Variants in ZNF703 observed in about 807,000 individuals in gnomAD.
The protein encoded by ZNF703 is NocA-like zinc finger 1.
ZNF703 carries 18 observed loss-of-function variants against 30.7 expected under a neutral mutation model. The observed-to-expected ratio is 0.59, with a 90% CI of 0.40 to 0.87. The LOEUF (loss-of-function observed/expected upper bound fraction) is 0.87. ZNF703 is among the 40% of genes least tolerant of loss of function. The pLI is 0.00. For missense variants in ZNF703, 814 were observed against 847.8 expected (o/e 0.96, Z 0.50); for synonymous variants, 457 against 438.6 (o/e 1.04, Z -0.52).
chr8:37,698,117 G>C lies in ZNF703; in HGVS notation c.1216G>C (p.Gly406Arg). The change falls in exon 2 of 2, where the codon GGG (glycine) becomes CGG (arginine). Residue 406 changes from glycine (G) to arginine (R), a missense_variant. By Grantham distance (125) the Gly-to-Arg change is moderately radical. Transcript: ENST00000331569. ...CACCTGCAGCGCGCACGACCCTGCC[G>C]GGCCCAGCCTGAAGGCGGGGGGCTA... Reference protein sequence around the residue: ...CSTCSAHDPAGPSLKAGGYPL... With the variant: ...CSTCSAHDPARPSLKAGGYPL... 2 of 1,532,148 alleles carry C rather than the reference G, an allele frequency of 1.3e-6. No individual in the cohort carries two copies. Among genetic ancestry groups the C allele is most frequent in the Non-Finnish European group, 1.7e-6 (2 of 1,145,366 alleles). The allele number at this position is 1,532,148 out of a possible 1,614,324, so 94.9% of individuals were successfully genotyped here.
chr8:37,698,216 G>C lies in ZNF703; in HGVS notation c.1315G>C (p.Gly439Arg), dbSNP rs1218308120. Reference protein sequence around the residue: ...SSSAAQAALPGHPLYTYGFML... With the variant: ...SSSAAQAALPRHPLYTYGFML... The stretch of plus-strand genomic sequence containing the variant: ...CAGCGCCGCCCAGGCCGCGCTCCCC[G>C]GCCACCCGCTCTACACCTACGGCTT... Residue 439 changes from glycine to arginine, a missense_variant, in exon 2 of 2, where the codon GGC (glycine) becomes CGC (arginine). Coordinates refer to ENST00000331569, the MANE Select transcript of ZNF703 (RefSeq NM_025069.3). 10 of 1,522,084 alleles carry C rather than the reference G, an allele frequency of 6.6e-6. No homozygotes were observed. The highest frequency in any genetic ancestry group is 2.0e-5 in the Admixed American group (1 of 50,090). The allele number at this position is 1,522,084 out of a possible 1,614,324, so 94.3% of individuals were successfully genotyped here.
At position 37,700,005 on chromosome 8, in the gene ZNF703, A is replaced by G. The variant is rs1216699505; in HGVS notation, c.*1331A>G. 3 of 152,202 alleles carry G rather than the reference A, an allele frequency of 2.0e-5. No homozygotes were observed. The highest frequency in any genetic ancestry group is 4.4e-5 in the Non-Finnish European group (3 of 68,044). 9.4% of individuals were successfully genotyped at this position (152,202 alleles called of 1,614,324 possible). On this transcript the variant is annotated 3_prime_UTR_variant, in exon 2 of 2. Transcript: ENST00000331569. ...GACTTATTTTGTTAATAAATGGAAT[A>G]CTTGGCTATATTCACACCGTGGTGT...
At position 37,697,453 on chromosome 8, in the gene ZNF703, G is replaced by A; in HGVS notation, c.552G>A (p.Ser184=). The change falls in exon 2 of 2, where the codon TCG becomes TCA. Residue 184 remains serine (S), a synonymous_variant. Coordinates refer to ENST00000331569, the MANE Select transcript of ZNF703 (RefSeq NM_025069.3). ...SVSSTSSSSS[S]SPGDKAGFRV... is the part of the protein sequence containing the mutation. The stretch of plus-strand genomic sequence containing the variant: ...CTTCCACCTCCTCCTCGTCCTCCTC[G>A]TCCCCGGGAGACAAGGCGGGCTTCA... 6.5e-7 allele frequency: 1 copy of A among 1,541,328 alleles called. No individual in the cohort carries two copies. Among genetic ancestry groups the A allele is most frequent in the Non-Finnish European group, 8.7e-7 (1 of 1,145,618 alleles).
rs1453847139 is a variant in ZNF703, at chr8:37,697,202, A to C, written c.301A>C (p.Lys101Gln). ...LLAQTCSQIG[K>Q]PDPPPSSKLN... ...GGCTCAGACCTGCTCGCAGATCGGC[A>C]AGCCGGACCCGCCGCCCTCCTCCAA... Residue 101 changes from lysine (K) to glutamine (Q), a missense_variant, in exon 2 of 2, where the codon AAG becomes CAG. Transcript: ENST00000331569. The C allele has an allele frequency of 1.9e-6, 3 of 1,595,784 alleles. No homozygotes were observed. The highest frequency in any genetic ancestry group is 1.7e-6 in the Non-Finnish European group (2 of 1,173,624).
In ZNF703 at chr8:37,695,812, CGGT is replaced by C; in HGVS notation, c.-165_-163del. ...TTGTGTTGCTAGCCGGGGCCAGCGGCGGTGGCGGCGGCGGCGGAGGCGTCGGTG... is the reference window on the plus strand; with the variant it reads ...TTGTGTTGCTAGCCGGGGCCAGCGGCGGCGGCGGCGGCGGAGGCGTCGGTG... On this transcript the variant is annotated 5_prime_UTR_variant, in exon 1 of 2. Transcript: ENST00000331569. The C allele has an allele frequency of 3.6e-6, 2 of 554,494 alleles. No individual in the cohort carries two copies. The highest frequency in any genetic ancestry group is 4.0e-5 in the African/African-American group (2 of 49,880). The allele number at this position is 554,494 out of a possible 1,614,324, so 34.3% of individuals were successfully genotyped here.
In ZNF703 at chr8:37,697,602, G is replaced by C; in HGVS notation, c.701G>C (p.Gly234Ala). The change falls in exon 2 of 2, where the codon GGC becomes GCC. Residue 234 changes from glycine (G) to alanine (A), a missense_variant. By Grantham distance (60) the Gly-to-Ala change is moderately conservative. Transcript: ENST00000331569. ...CCGCACCACTCTGACTGCAAGAACG[G>C]CGGCGGGGTTGGCGGCGGGGAGCTG... The part of the protein sequence containing the change: ...GSPHHSDCKN[G>A]GGVGGGELDK... 7.0e-7 allele frequency: 1 copy of C among 1,420,812 alleles called. No individual in the cohort carries two copies. Among genetic ancestry groups the C allele is most frequent in the Non-Finnish European group, 9.1e-7 (1 of 1,094,068 alleles). 88.0% of individuals were successfully genotyped at this position (1,420,812 alleles called of 1,614,324 possible). A position where few individuals can be genotyped will look rare whatever the true frequency, so the allele number is the denominator to read the frequency against.
Position 37,698,986 on chromosome 8 carries a change from T to C in ZNF703, c.*312T>C, listed in dbSNP as rs1376308265. 6.9e-6 allele frequency: 2 copies of C among 291,542 alleles called. No individual in the cohort carries two copies. The highest frequency in any genetic ancestry group is 2.2e-5 in the African/African-American group (1 of 46,058). The allele number at this position is 291,542 out of a possible 1,614,324, so 18.1% of individuals were successfully genotyped here. A position where few individuals can be genotyped will look rare whatever the true frequency, so the allele number is the denominator to read the frequency against. On this transcript the variant is annotated 3_prime_UTR_variant, in exon 2 of 2. Coordinates refer to ENST00000331569, the MANE Select transcript of ZNF703 (RefSeq NM_025069.3). Reference sequence around the variant, plus strand: ...CCTTTCTGTTATTTTTTCTTAGATATAAGTTTTACATTTTTTATTCCTTTT... The same window carrying C: ...CCTTTCTGTTATTTTTTCTTAGATACAAGTTTTACATTTTTTATTCCTTTT...
rs374323736 is a variant in ZNF703, at chr8:37,696,207, C to T, written c.228C>T (p.Pro76=). Residue 76 remains proline, a synonymous_variant, in exon 1 of 2, where the codon CCC becomes CCT. Coordinates refer to ENST00000331569, the MANE Select transcript of ZNF703 (RefSeq NM_025069.3). This position sits in a 1 kb window ranked among gnomAD's most constrained non-coding sequence, Gnocchi z 8.2. Reference sequence around the variant, plus strand: ...ACCTGCAGCCGCTGTCCTCCACTCCCGTCAGCCCCATTGAGGTCAGTCCCC... The same window carrying T: ...ACCTGCAGCCGCTGTCCTCCACTCCTGTCAGCCCCATTGAGGTCAGTCCCC... ...PEYLQPLSST[P]VSPIELDAKK... The T allele has an allele frequency of 3.7e-6, 6 of 1,609,636 alleles. No homozygotes were observed. The African/African-American group carries it at 5.4e-5, about 14-fold the overall frequency.
At position 37,698,139 on chromosome 8, in the gene ZNF703, G is replaced by C; in HGVS notation, c.1238G>C (p.Gly413Ala). Residue 413 changes from glycine (G) to alanine (A), a missense_variant, in exon 2 of 2, where the codon GGC becomes GCC. Transcript: ENST00000331569. Reference sequence around the variant, plus strand: ...GCCGGGCCCAGCCTGAAGGCGGGGGGCTACCCGCTGGTGTACCCCGGGCAC... The same window carrying C: ...GCCGGGCCCAGCCTGAAGGCGGGGGCCTACCCGCTGGTGTACCCCGGGCAC... ...DPAGPSLKAG[G>A]YPLVYPGHPL... The C allele has an allele frequency of 6.5e-7, 1 of 1,529,406 alleles. No homozygotes were observed. Among genetic ancestry groups the C allele is most frequent in the Non-Finnish European group, 8.7e-7 (1 of 1,144,042 alleles). The allele number at this position is 1,529,406 out of a possible 1,614,324, so 94.7% of individuals were successfully genotyped here. A position where few individuals can be genotyped will look rare whatever the true frequency, so the allele number is the denominator to read the frequency against.
At position 37,697,383 on chromosome 8, in the gene ZNF703, C is replaced by T. The variant is rs1802088016; in HGVS notation, c.482C>T (p.Ser161Phe). 6.4e-7 allele frequency: 1 copy of T among 1,554,356 alleles called. No homozygotes were observed. The highest frequency in any genetic ancestry group is 8.7e-7 in the Non-Finnish European group (1 of 1,150,612). ...KSSFKPYSKG[S>F]GGGDSRKDSG... is the part of the protein sequence containing the mutation. ...AGCTTCAAGCCCTACTCCAAGGGCTCCGGCGGCGGCGACTCCCGCAAAGAC... is the reference window on the plus strand; with the variant it reads ...AGCTTCAAGCCCTACTCCAAGGGCTTCGGCGGCGGCGACTCCCGCAAAGAC... The change falls in exon 2 of 2, where the codon TCC becomes TTC. Residue 161 changes from serine to phenylalanine, a missense_variant. Coordinates refer to ENST00000331569, the MANE Select transcript of ZNF703 (RefSeq NM_025069.3).
rs1247041819 is a variant in ZNF703 at position 37,697,394 on chromosome 8, G to A, written c.493G>A (p.Asp165Asn). 2.6e-6 allele frequency: 4 copies of A among 1,552,196 alleles called. No homozygotes were observed. The highest frequency in any genetic ancestry group is 1.2e-5 in the South Asian group (1 of 83,824). ...KPYSKGSGGGDSRKDSGSSSV... is the reference protein window; with the variant it reads ...KPYSKGSGGGNSRKDSGSSSV... ...CTACTCCAAGGGCTCCGGCGGCGGC[G>A]ACTCCCGCAAAGACAGCGGCTCCTC... is the stretch of plus-strand genomic sequence containing the variant. The change falls in exon 2 of 2, where the codon GAC becomes AAC. Residue 165 changes from aspartate to asparagine, a missense_variant. Physicochemically the swap from Asp to Asn is conservative, Grantham distance 23. Coordinates refer to ENST00000331569, the MANE Select transcript of ZNF703 (RefSeq NM_025069.3).
Position 37,696,996 on chromosome 8 carries a change from C to G in ZNF703, c.244-149C>G. ...GTGTGGGCGCAGTTCCGCCAGCTGC[C>G]GCGCCCGGCCCGGCCCTCGCTCGCA... On this transcript the variant is annotated intron_variant, in intron 1 of 1. Transcript: ENST00000331569. This position sits in a 1 kb window ranked among gnomAD's most constrained non-coding sequence, Gnocchi z 8.2. 1.0e-6 allele frequency: 1 copy of G among 998,364 alleles called. No homozygotes were observed. 61.8% of individuals were successfully genotyped at this position (998,364 alleles called of 1,614,324 possible). A position where few individuals can be genotyped will look rare whatever the true frequency, so the allele number is the denominator to read the frequency against.
At position 37,699,311 on chromosome 8, in the gene ZNF703, G is replaced by A. The variant is rs1228085125; in HGVS notation, c.*637G>A. The A allele has an allele frequency of 6.6e-6, 1 of 152,234 alleles. No individual in the cohort carries two copies. 9.4% of individuals were successfully genotyped at this position (152,234 alleles called of 1,614,324 possible). On this transcript the variant is annotated 3_prime_UTR_variant, in exon 2 of 2. Transcript: ENST00000331569. ...TGGAGGGGGCCACCTGGGTGGCAGG[G>A]GCCCTGGAGCTCTATTGACCTGGTA...
At position 37,697,889 on chromosome 8, in the gene ZNF703, T is replaced by C; in HGVS notation, c.988T>C (p.Phe330Leu). 6.4e-7 allele frequency: 1 copy of C among 1,555,144 alleles called. No individual in the cohort carries two copies. Among genetic ancestry groups the C allele is most frequent in the East Asian group, 2.4e-5 (1 of 42,348 alleles). Residue 330 changes from phenylalanine (F) to leucine (L), a missense_variant, in exon 2 of 2, where the codon TTC becomes CTC. Transcript: ENST00000331569. ...CGCCTACGCCGGCTACCCGTCTCAG[T>C]TCGTGCCTGGCCTGGATCCTAGCAA... ...VGAYAGYPSQFVPGLDPSKSG... is the reference protein window; with the variant it reads ...VGAYAGYPSQLVPGLDPSKSG...
In ZNF703 at chr8:37,695,911, G is replaced by C; in HGVS notation, c.-69G>C. On this transcript the variant is annotated 5_prime_UTR_variant, in exon 1 of 2. Coordinates refer to ENST00000331569, the MANE Select transcript of ZNF703 (RefSeq NM_025069.3). The stretch of plus-strand genomic sequence containing the variant: ...TCGACGCTGCGGAGCGAGCCCACCC[G>C]CCCCGGGAGCTCGCCTCCCCGGTGC... 3,342 of 690,470 alleles carry C rather than the reference G, an allele frequency of 4.8e-3. No individual in the cohort carries two copies. The highest frequency in any genetic ancestry group is 6.5e-3 in the Middle Eastern group (14 of 2,162). The allele number at this position is 690,470 out of a possible 1,614,324, so 42.8% of individuals were successfully genotyped here.
At position 37,696,194 on chromosome 8, in the gene ZNF703, T is replaced by A; in HGVS notation, c.215T>A (p.Leu72Gln). Residue 72 changes from leucine (L) to glutamine (Q), a missense_variant, in exon 1 of 2, where the codon CTG becomes CAG. By Grantham distance (113) the Leu-to-Gln change is moderately radical. Transcript: ENST00000331569. This position sits in a 1 kb window ranked among gnomAD's most constrained non-coding sequence, Gnocchi z 8.2. ...HLLHPEYLQP[L>Q]SSTPVSPIEL... ...CTGCACCCGGAGTACCTGCAGCCGC[T>A]GTCCTCCACTCCCGTCAGCCCCATT... 6.2e-7 allele frequency: 1 copy of A among 1,611,238 alleles called. No homozygotes were observed. The highest frequency in any genetic ancestry group is 8.5e-7 in the Non-Finnish European group (1 of 1,179,200).
Position 37,698,329 on chromosome 8 carries a change from G to A in ZNF703, c.1428G>A (p.Glu476=). 1 of 1,541,018 alleles carries A rather than the reference G, an allele frequency of 6.5e-7. No individual in the cohort carries two copies. The highest frequency in any genetic ancestry group is 8.7e-7 in the Non-Finnish European group (1 of 1,145,006). ...ACAAGCGCTTCGCCACCTCGGAGGAGCTGCTCAGCCACCTACGGACCCACA... is the reference window on the plus strand; with the variant it reads ...ACAAGCGCTTCGCCACCTCGGAGGAACTGCTCAGCCACCTACGGACCCACA... The part of the protein sequence containing the change: ...PCDKRFATSE[E]LLSHLRTHTA... The change falls in exon 2 of 2, where the codon GAG becomes GAA. Residue 476 remains glutamate (E), a synonymous_variant. Transcript: ENST00000331569.
In ZNF703 at chr8:37,698,049, G is replaced by T; in HGVS notation, c.1148G>T (p.Gly383Val). 2.0e-6 allele frequency: 3 copies of T among 1,519,810 alleles called. No homozygotes were observed. The highest frequency in any genetic ancestry group is 2.7e-6 in the Non-Finnish European group (3 of 1,124,596). 94.1% of individuals were successfully genotyped at this position (1,519,810 alleles called of 1,614,324 possible). A position where few individuals can be genotyped will look rare whatever the true frequency, so the allele number is the denominator to read the frequency against. Residue 383 changes from glycine (G) to valine (V), a missense_variant, in exon 2 of 2, where the codon GGA becomes GTA. By Grantham distance (109) the Gly-to-Val change is moderately radical. Transcript: ENST00000331569. ...QGLCRDPYCL[G>V]GYHGASHLGG... ...TTATGCCGCGACCCCTATTGCTTGG[G>T]AGGTTACCACGGCGCCTCGCACCTC...
chr8:37,699,170 C>G lies in ZNF703; in HGVS notation c.*496C>G, dbSNP rs577816390. The stretch of plus-strand genomic sequence containing the variant: ...TTTTTCCCTCTTCCCCCTTCATTCC[C>G]TCTTGTTTCCTTCCATTTGCGGTTC... On this transcript the variant is annotated 3_prime_UTR_variant, in exon 2 of 2. Coordinates refer to ENST00000331569, the MANE Select transcript of ZNF703 (RefSeq NM_025069.3). 19 of 153,276 alleles carry G rather than the reference C, an allele frequency of 1.2e-4. No homozygotes were observed. Among genetic ancestry groups the G allele is most frequent in the African/African-American group, 4.6e-4 (19 of 41,444 alleles). The allele number at this position is 153,276 out of a possible 1,614,324, so 9.5% of individuals were successfully genotyped here.
Sources: gnomAD v4.1 joint callset for allele counts on GRCh38, gnomAD v4.1.1 for gene constraint, Gnocchi (gnomAD v3.1) non-coding constraint, MANE v1.5 for transcripts, NCBI Gene and HGNC (gene_info 2026-07-23, HGNC 2026-07-21) for gene names.